ZC3H12B: variants seen among roughly 807,000 people sequenced by gnomAD.
ZC3H12B encodes the protein probable ribonuclease ZC3H12B.
Under a neutral mutation model 43.9 loss-of-function variants are expected in ZC3H12B, and 7 were observed. The observed-to-expected ratio is 0.16, with a 90% confidence interval of 0.09 to 0.30. ZC3H12B has a LOEUF of 0.30. Among genes scored for constraint, ZC3H12B ranks in the 10% least tolerant of loss-of-function variants. The pLI is 1.00. For synonymous variants in ZC3H12B, 222 were observed against 241.7 expected (o/e 0.92, Z 0.76); for missense variants, 475 against 670.2 (o/e 0.71, Z 3.22).
the ZC3H12B span, among the ~76,000 whole-genome samples, chrX:65,078,423 A>C: frequency 8.9e-6 from 1 of 112,083 alleles, no homozygotes; most frequent in Non-Finnish European, 1.9e-5. Context: ...AGTGAAGGAG[A>C]TGAGAATGAG....
chrX:65,459,195 T>G (rs1183679332), intron 3 of ZC3H12B, among the ~76,000 whole-genome samples: 1 of 111,948 alleles, frequency 8.9e-6, no homozygotes, highest in African/African-American at 3.3e-5. Flanking sequence ...TAACAGGCTC[T>G]GAAATTGAGG....
chrX:65,246,497 C>G, the ZC3H12B span, among the ~76,000 whole-genome samples: 2 of 111,721 alleles, frequency 1.8e-5, no homozygotes, highest in Non-Finnish European at 3.8e-5. Context: ...ATAATGCTAC[C>G]TGACTTCAAT....
intron 3 of ZC3H12B, among the ~76,000 whole-genome samples, chrX:65,438,184 AGGATAGCTTT>A (rs2067245046): frequency 8.9e-6 from 1 of 111,943 alleles, no homozygotes; most frequent in Non-Finnish European, 1.9e-5. Context: ...CTGTATGCTT[AGGATAGCTTT>A]GGCTATTCTG....
intron 3 of ZC3H12B, among the ~76,000 whole-genome samples, chrX:65,440,266 G>A (rs1602441949): frequency 8.9e-6 from 1 of 112,277 alleles, no homozygotes; most frequent in East Asian, 2.8e-4. Flanking sequence ...CCCAATGTGA[G>A]TGATGTAAAA....
chrX:65,320,569 C>A, the ZC3H12B span, among the ~76,000 whole-genome samples: 14 of 111,415 alleles, frequency 1.3e-4, no homozygotes, highest in Non-Finnish European at 2.3e-4. Flanking sequence ...TGTGTGGAAC[C>A]AAAAAAAGTC....
At chrX:65,445,076 G>T (rs1325976554) in intron 3 of ZC3H12B, among the ~76,000 whole-genome samples, 1 of 111,672 alleles carries the variant, frequency 9.0e-6, no homozygotes, top group Non-Finnish European at 1.9e-5. Flanking sequence ...CTATTTCTTT[G>T]TTAAATTTAT....
chrX:65,091,957 G>A, the ZC3H12B span, among the ~76,000 whole-genome samples: 1 of 112,041 alleles, frequency 8.9e-6, no homozygotes, highest in Admixed American at 9.5e-5. Context: ...AGTGGGGCCT[G>A]GTGGGATGTG....
chrX:65,473,026 T>C (rs1303067079), intron 3 of ZC3H12B, among the ~76,000 whole-genome samples: 1 of 97,497 alleles, frequency 1.0e-5, no homozygotes, highest in Non-Finnish European at 2.0e-5. Context: ...ATCTGTTTGT[T>C]TTTTGAGACA....
At chrX:65,334,221 T>G in the ZC3H12B span, among the ~76,000 whole-genome samples, 3 of 112,268 alleles carry the variant, frequency 2.7e-5, no homozygotes. Flanking sequence ...AACCCCGTTG[T>G]GCTTTTATTC....
chrX:65,300,582 G>T, the ZC3H12B span, among the ~76,000 whole-genome samples: 1 of 111,238 alleles, frequency 9.0e-6, no homozygotes, highest in Non-Finnish European at 1.9e-5. Flanking sequence ...ACCCACCCTG[G>T]TAGCCAAAGA....
At chrX:65,369,235 T>C (rs145056055) in intron 2 of ZC3H12B, among the ~76,000 whole-genome samples, 1,279 of 111,502 alleles carry the variant, frequency 0.011, 23 homozygotes, top group African/African-American at 0.04. Context: ...GAAATCATCA[T>C]AGGAAGGGGT....
the ZC3H12B span, among the ~76,000 whole-genome samples, chrX:65,043,953 G>A: frequency 8.9e-6 from 1 of 111,775 alleles, no homozygotes; most frequent in African/African-American, 3.3e-5. Context: ...ATTGAGCGTT[G>A]CTACATGCAC....
the ZC3H12B span, among the ~76,000 whole-genome samples, chrX:65,052,999 A>T: frequency 1.4e-3 from 153 of 111,629 alleles, 1 homozygote; most frequent in African/African-American, 4.9e-3. Context: ...ATATTTCCTT[A>T]TAGATTTGAT....
intron 3 of ZC3H12B, among the ~76,000 whole-genome samples, chrX:65,432,720 C>T: frequency 8.9e-6 from 1 of 112,216 alleles, no homozygotes. Context: ...ACAATGTATC[C>T]TTTACCTTAG....
At chrX:65,067,001 G>C in the ZC3H12B span, among the ~76,000 whole-genome samples, 1 of 111,417 alleles carries the variant, frequency 9.0e-6, no homozygotes, top group East Asian at 2.8e-4. Context: ...AACCAAGCTC[G>C]ATTGTTCCAG....
the ZC3H12B span, among the ~76,000 whole-genome samples, chrX:65,312,832 C>G: frequency 1.1e-4 from 12 of 111,735 alleles, no homozygotes; most frequent in Non-Finnish European, 1.3e-4. Flanking sequence ...CCCTCATGAC[C>G]TAATCACCTC....
chrX:65,038,123 G>A, the ZC3H12B span, among the ~76,000 whole-genome samples: 1 of 110,973 alleles, frequency 9.0e-6, no homozygotes, highest in South Asian at 3.8e-4. Context: ...TATTCCATCC[G>A]TAGAGAGGTA....
the ZC3H12B span, among the ~76,000 whole-genome samples, chrX:65,312,761 GA>G: frequency 8.9e-6 from 1 of 112,016 alleles, no homozygotes; most frequent in East Asian, 2.8e-4. Context: ...TGGTGGAAGG[GA>G]AAAGCAGCTC....
the ZC3H12B span, among the ~76,000 whole-genome samples, chrX:65,180,492 C>T: frequency 4.5e-5 from 5 of 111,395 alleles, no homozygotes; most frequent in East Asian, 1.1e-3. Flanking sequence ...TTGAAGATGA[C>T]ATGATTGTAT....
Sources: gnomAD v4.1 joint callset for allele counts (sites outside exome capture counted in the v4.1 genomes callset) on GRCh38, gnomAD v4.1.1 for gene constraint, MANE v1.5 for transcripts, NCBI Gene and HGNC (gene_info 2026-07-23, HGNC 2026-07-21) for gene names.